The following FBXL16 variants were observed in gnomAD, a reference collection of about 807,000 sequenced individuals.
FBXL16 encodes the protein F-box and leucine rich repeat protein 16, also known as F-box/LRR-repeat protein 16.
Under a neutral mutation model 36.7 loss-of-function variants are expected in FBXL16, and 7 were observed. That is an observed-to-expected ratio of 0.19 (90% CI 0.11 to 0.36). FBXL16 has a LOEUF of 0.36. FBXL16 is among the 10% of genes least tolerant of loss of function. The probability of loss-of-function intolerance (pLI) is 1.00; values close to 1 mark genes in which losing one functional copy is unlikely to be tolerated. For missense variants in FBXL16, 463 were observed against 659.4 expected, an observed-to-expected ratio of 0.70 and a Z score of 3.26; for synonymous variants, 355 against 308.7, an observed-to-expected ratio of 1.15 and a Z score of -1.57.
chr16:696,753 C>G lies in FBXL16; in HGVS notation c.633+20G>C, dbSNP rs891875585. Reference sequence around the variant, plus strand: ...CCGCCCCTGCCCCCCAGCCCTGTCCCCCCCGAGCCTGGTGCACACCTCGAG... The same window carrying G: ...CCGCCCCTGCCCCCCAGCCCTGTCCGCCCCGAGCCTGGTGCACACCTCGAG... On this transcript the variant is annotated intron_variant, in intron 2 of 5. Coordinates refer to ENST00000397621, the MANE Select transcript of FBXL16 (RefSeq NM_153350.4). 17 of 1,324,648 alleles carry G rather than the reference C, an allele frequency of 1.3e-5. No individual in the cohort carries two copies. The highest frequency in any genetic ancestry group is 1.6e-5 in the Non-Finnish European group (16 of 1,015,388). The allele number at this position is 1,324,648 out of a possible 1,614,324, so 82.1% of individuals were successfully genotyped here. A position where few individuals can be genotyped will look rare whatever the true frequency, so the allele number is the denominator to read the frequency against.
intron 1 of FBXL16, among the ~76,000 whole-genome samples, chr16:700,537 G>A (rs1045250603): frequency 1.2e-4 from 19 of 152,158 alleles, no homozygotes; most frequent in Non-Finnish European, 4.4e-5. Context: ...TCTGAGGAGC[G>A]AATTTGCCCC....
intron 1 of FBXL16, among the ~76,000 whole-genome samples, chr16:700,082 C>G (rs900602701): frequency 8.5e-5 from 13 of 152,154 alleles, no homozygotes. Flanking sequence ...TCCTGCCCCG[C>G]TCTTCCCAGC....
rs1327537389 is a variant in FBXL16 at position 695,696 on chromosome 16, G to A, written c.861C>T (p.Tyr287=). ...AYHVTDTALA[Y]FTARQGHSTH... ...TGCTGTGGCCCTGGCGCGCCGTGAA[G>A]TAGGCCAGCGCCGTGTCCGTCACGT... The change falls in exon 3 of 6, where the codon TAC becomes TAT. Residue 287 remains tyrosine, a synonymous_variant. Transcript: ENST00000397621. 6.2e-7 allele frequency: 1 copy of A among 1,605,238 alleles called. No homozygotes were observed. The highest frequency in any genetic ancestry group is 1.3e-5 in the African/African-American group (1 of 74,928).
In FBXL16 at chr16:693,501, G is replaced by C. The variant is rs2039986253; in HGVS notation, c.*774C>G. ...CGGAGTCAGCTGGGATCACGTTAATGACTCCAAGCGATCGCCAGCCCTTCC... is the reference window on the plus strand; with the variant it reads ...CGGAGTCAGCTGGGATCACGTTAATCACTCCAAGCGATCGCCAGCCCTTCC... On this transcript the variant is annotated 3_prime_UTR_variant, in exon 6 of 6. Transcript: ENST00000397621. 6.6e-6 allele frequency: 1 copy of C among 152,606 alleles called. No individual in the cohort carries two copies. Among genetic ancestry groups the C allele is most frequent in the African/African-American group, 2.4e-5 (1 of 41,468 alleles). 9.5% of individuals were successfully genotyped at this position (152,606 alleles called of 1,614,324 possible). A position where few individuals can be genotyped will look rare whatever the true frequency, so the allele number is the denominator to read the frequency against.
intron 1 of FBXL16, among the ~76,000 whole-genome samples, chr16:704,893 C>A (rs747644649): frequency 1.1e-4 from 17 of 152,210 alleles, no homozygotes; most frequent in Non-Finnish European, 2.1e-4. Flanking sequence ...CGCTCTCCAC[C>A]CACCTAATCC....
chr16:701,496 G>A (rs2040056882), intron 1 of FBXL16, among the ~76,000 whole-genome samples: 1 of 152,254 alleles, frequency 6.6e-6, no homozygotes. Flanking sequence ...CCAGGCATGG[G>A]CGCTGCGGGA....
At position 692,921 on chromosome 16, in the gene FBXL16, C is replaced by T. The variant is rs984840132; in HGVS notation, c.*1354G>A. The T allele has an allele frequency of 6.6e-6, 1 of 152,250 alleles. No homozygotes were observed. 9.4% of individuals were successfully genotyped at this position (152,250 alleles called of 1,614,324 possible). A position where few individuals can be genotyped will look rare whatever the true frequency, so the allele number is the denominator to read the frequency against. The stretch of plus-strand genomic sequence containing the variant: ...TCTCTTTCTCTCTCTCTCTCACTCT[C>T]TTTCTCTCTCTCACTCTCTGGCTCT... On this transcript the variant is annotated 3_prime_UTR_variant, in exon 6 of 6. Coordinates refer to ENST00000397621, the MANE Select transcript of FBXL16 (RefSeq NM_153350.4).
chr16:694,201 A>T lies in FBXL16; in HGVS notation c.*74T>A. 9.3e-7 allele frequency: 1 copy of T among 1,080,476 alleles called. No homozygotes were observed. Among genetic ancestry groups the T allele is most frequent in the Non-Finnish European group, 1.2e-6 (1 of 842,924 alleles). The allele number at this position is 1,080,476 out of a possible 1,614,324, so 66.9% of individuals were successfully genotyped here. On this transcript the variant is annotated 3_prime_UTR_variant, in exon 6 of 6. Transcript: ENST00000397621. ...GCTCCCCCGAGCGCAAGGCGGGAAG[A>T]GGGGGCTCGGCGGCGCCCCGCGCCC...
rs4984683 is a variant in FBXL16, at chr16:696,884, A to C, written c.522T>G (p.Val174=). The C allele has an allele frequency of 0.26, 419,499 of 1,607,882 alleles. 63,504 individuals carry two copies. Among genetic ancestry groups the C allele is most frequent in the East Asian group, 0.71 (31,626 of 44,720 alleles). ...CACAGATGTCCAGGTCGGAGACGCCAACCAGGCAGAAGCCCTCGAAGCCTC... is the reference window on the plus strand; with the variant it reads ...CACAGATGTCCAGGTCGGAGACGCCCACCAGGCAGAAGCCCTCGAAGCCTC... ...AARGFEGFCL[V]GVSDLDICEF... Residue 174 remains valine (V), a synonymous_variant, in exon 2 of 6, where the codon GTT becomes GTG. Coordinates refer to ENST00000397621, the MANE Select transcript of FBXL16 (RefSeq NM_153350.4).
At chr16:694,911 G>A in intron 4 of FBXL16, 81 bp downstream of exon 4, 1 of 1,415,020 alleles carries the variant, frequency 7.1e-7, no homozygotes, top group Non-Finnish European at 9.4e-7. Context: ...GACTCTCCCA[G>A]GATCTGAGTG....
intron 1 of FBXL16, among the ~76,000 whole-genome samples, chr16:699,996 C>G (rs2040043916): frequency 6.6e-6 from 1 of 152,188 alleles, no homozygotes; most frequent in Non-Finnish European, 1.5e-5. Context: ...GCACTGCAAC[C>G]CCAAGGCCCG....
intron 1 of FBXL16, among the ~76,000 whole-genome samples, chr16:699,214 T>G (rs957765923): frequency 1.3e-5 from 2 of 152,208 alleles, no homozygotes; most frequent in Non-Finnish European, 2.9e-5. Flanking sequence ...AGGAAGGCCA[T>G]GCGGAGGTTA....
chr16:694,283 T>C lies in FBXL16; in HGVS notation c.1432A>G (p.Ile478Val), dbSNP rs374453927. The change falls in exon 6 of 6, where the codon ATT (isoleucine) becomes GTT (valine). Residue 478 changes from isoleucine to valine, a missense_variant. By Grantham distance (29) the Ile-to-Val change is conservative. This residue lies in a region of FBXL16 where 134 missense variants were observed against 172.0 expected (regional missense o/e 0.78). Transcript: ENST00000397621. Reference sequence around the variant, plus strand: ...GGGGCGGGGGCCTCGCGCTACTCAATGACGAGGCAGCGGGGCAGGTGCTGC... The same window carrying C: ...GGGGCGGGGGCCTCGCGCTACTCAACGACGAGGCAGCGGGGCAGGTGCTGC... Reference protein sequence around the residue: ...FSQHLPRCLVIE With the variant: ...FSQHLPRCLVVE The C allele has an allele frequency of 7.5e-5, 107 of 1,421,672 alleles. No individual in the cohort carries two copies. Among genetic ancestry groups the C allele is most frequent in the Non-Finnish European group, 8.8e-5 (96 of 1,085,816 alleles). The allele number at this position is 1,421,672 out of a possible 1,614,324, so 88.1% of individuals were successfully genotyped here.
At chr16:705,464 G>A (rs2040086201) in intron 1 of FBXL16, 48 bp downstream of exon 1, 1 of 147,098 alleles carries the variant, frequency 6.8e-6, no homozygotes, top group Admixed American at 6.8e-5. Context: ...GCGGAGGTGC[G>A]GCCTGGCCCC....
chr16:695,651 G>A lies in FBXL16; in HGVS notation c.906C>T (p.Leu302=), dbSNP rs779715251. The part of the protein sequence containing the change: ...QGHSTHTLRL[L]SCWEITNHGV... ...CGTGGTTGGTGATCTCCCAGCAGGA[G>A]AGCAGGCGCAGCGTGTGCGTGCTGT... The change falls in exon 3 of 6, where the codon CTC becomes CTT. Residue 302 remains leucine (L), a synonymous_variant. Transcript: ENST00000397621. 2.4e-4 allele frequency: 385 copies of A among 1,606,570 alleles called. No homozygotes were observed. Among genetic ancestry groups the A allele is most frequent in the Admixed American group, 3.7e-4 (22 of 59,776 alleles).
chr16:694,232 C>A lies in FBXL16; in HGVS notation c.*43G>T. 1 of 1,269,428 alleles carries A rather than the reference C, an allele frequency of 7.9e-7. No homozygotes were observed. Among genetic ancestry groups the A allele is most frequent in the Non-Finnish European group, 1.0e-6 (1 of 1,001,760 alleles). 78.6% of individuals were successfully genotyped at this position (1,269,428 alleles called of 1,614,324 possible). On this transcript the variant is annotated 3_prime_UTR_variant, in exon 6 of 6. Coordinates refer to ENST00000397621, the MANE Select transcript of FBXL16 (RefSeq NM_153350.4). ...CTCGGCGGCGCCCCGCGCCCCCGCC[C>A]AGGTCATGGCCGGGTTCCCGCGACC...
At position 694,669 on chromosome 16, in the gene FBXL16, AG is replaced by A; in HGVS notation, c.1255del (p.Leu419TrpfsTer36). ...CAGGAGGCGCAAACTCCCCAGGGCCAGGAGGTGCTTCAGCCCGAAGTCTTGC... is the reference window on the plus strand; with the variant it reads ...CAGGAGGCGCAAACTCCCCAGGGCCAGAGGTGCTTCAGCCCGAAGTCTTGC... The part of the protein sequence containing the change: ...QVQDFGLKHL[L>X]ALGSLRLLSL... On this transcript the variant is annotated frameshift_variant, in exon 5 of 6. Coordinates refer to ENST00000397621, the MANE Select transcript of FBXL16 (RefSeq NM_153350.4). LOFTEE classifies it high-confidence loss of function. The A allele has an allele frequency of 6.2e-7, 1 of 1,609,886 alleles. No individual in the cohort carries two copies. The highest frequency in any genetic ancestry group is 8.5e-7 in the Non-Finnish European group (1 of 1,178,470).
chr16:699,751 C>T (rs997810544), intron 1 of FBXL16, among the ~76,000 whole-genome samples: 3 of 152,110 alleles, frequency 2.0e-5, no homozygotes, highest in Non-Finnish European at 2.9e-5. Context: ...AGAGGAGGGG[C>T]CAAAGCCTCT....
rs1298350612 is a variant in FBXL16 at position 696,676 on chromosome 16, C to T, written c.633+97G>A. 6 of 1,297,186 alleles carry T rather than the reference C, an allele frequency of 4.6e-6. No homozygotes were observed. In the Admixed American group the frequency reaches 1.1e-4, roughly 24 times the overall value. The allele number at this position is 1,297,186 out of a possible 1,614,324, so 80.4% of individuals were successfully genotyped here. On this transcript the variant is annotated intron_variant, in intron 2 of 5. Transcript: ENST00000397621. ...GGTCCCCTGTAGTCAGTCCTTCTTT[C>T]CTCCCACCCCAAAGCCACCATCCGC...
Sources: allele counts gnomAD v4.1 joint callset (sites outside exome capture counted in the v4.1 genomes callset), GRCh38; gene constraint gnomAD v4.1.1; regional missense constraint gnomAD v4.1.1; transcripts MANE v1.5; gene names NCBI Gene and HGNC (gene_info 2026-07-23, HGNC 2026-07-21).